NAV2: variants seen among roughly 807,000 people sequenced by gnomAD.
NAV2 encodes the protein neuron navigator 2, also known as helicase, APC down-regulated 1.
NAV2 carries 54 observed loss-of-function variants against 223.2 expected under a neutral mutation model. The ratio of observed to expected loss-of-function variants is 0.24; its 90% CI spans 0.19 to 0.30. The LOEUF is 0.30. Ranked by LOEUF, NAV2 falls within the 10% of genes least tolerant of loss-of-function variation. NAV2 has a pLI of 1.00. For synonymous variants in NAV2, 1,279 were observed against 1,239.3 expected, an observed-to-expected ratio of 1.03 and a Z score of -0.67; for missense variants, 2,806 against 3,147.5, an observed-to-expected ratio of 0.89 and a Z score of 2.60.
intron 3 of NAV2, 113 bp from the exon 4 acceptor site, chr11:19,868,812 G>A (rs989417012): frequency 1.3e-5 from 12 of 955,950 alleles, no homozygotes; most frequent in Middle Eastern, 2.5e-4. Flanking sequence ...CTATCTTGGC[G>A]TTCGTTCATC....
intron 22 of NAV2, among the ~76,000 whole-genome samples, chr11:20,072,651 G>C (rs993511148): frequency 6.6e-6 from 1 of 151,944 alleles, no homozygotes; most frequent in African/African-American, 2.4e-5. Flanking sequence ...GGTCCTTCAC[G>C]TCCCTTGTAA....
intron 3 of NAV2, among the ~76,000 whole-genome samples, chr11:19,855,674 G>A (rs755169406): frequency 2.0e-5 from 3 of 152,166 alleles, no homozygotes; most frequent in Non-Finnish European, 4.4e-5. Flanking sequence ...TGCTTCTAGT[G>A]GGAGGCTTTC....
chr11:19,649,261 A>G (rs1306465043), intron 1 of NAV2, among the ~76,000 whole-genome samples: 1 of 152,222 alleles, frequency 6.6e-6, no homozygotes, highest in African/African-American at 2.4e-5. Context: ...GTGGGCTAAC[A>G]TTCCCACCAT....
chr11:19,746,354 A>T (rs972456339), intron 1 of NAV2, among the ~76,000 whole-genome samples: 1 of 141,376 alleles, frequency 7.1e-6, no homozygotes, highest in Non-Finnish European at 1.5e-5. Context: ...CAAGTAACTG[A>T]CTTCAGTATG....
intron 30 of NAV2, 39 bp downstream of exon 30, chr11:20,095,806 A>T (rs1265145815): frequency 6.8e-7 from 1 of 1,461,732 alleles, no homozygotes; most frequent in Non-Finnish European, 9.6e-7. Flanking sequence ...ATACTACCTA[A>T]CATGGGCATC....
chr11:19,937,473 G>A (rs1047274855), intron 7 of NAV2, among the ~76,000 whole-genome samples: 1 of 151,886 alleles, frequency 6.6e-6, no homozygotes, highest in African/African-American at 2.4e-5. Context: ...AAGTAACAGT[G>A]GATTCATCTA....
intron 1 of NAV2, among the ~76,000 whole-genome samples, chr11:19,544,198 A>T (rs1173923638): frequency 6.6e-6 from 1 of 152,216 alleles, no homozygotes; most frequent in Admixed American, 6.5e-5. Flanking sequence ...GTTGATTTCC[A>T]TCAAAACCGA....
At chr11:20,017,182 A>G (rs2436187) in intron 11 of NAV2, among the ~76,000 whole-genome samples, 3,369 of 152,254 alleles carry the variant, frequency 0.022, 137 homozygotes, top group African/African-American at 0.078. Flanking sequence ...ATACTTTTCT[A>G]GGATCAGTTG....
At chr11:19,622,364 T>G (rs1419795039) in intron 1 of NAV2, among the ~76,000 whole-genome samples, 1 of 152,162 alleles carries the variant, frequency 6.6e-6, no homozygotes, top group African/African-American at 2.4e-5. Context: ...GGTGTTAAAG[T>G]CTCCCATTAT....
chr11:20,052,932 G>A (rs912919983), intron 17 of NAV2, among the ~76,000 whole-genome samples: 2 of 152,082 alleles, frequency 1.3e-5, no homozygotes, highest in African/African-American at 4.8e-5. Context: ...AATTTCAGAT[G>A]CAGGCCAGGT....
intron 1 of NAV2, among the ~76,000 whole-genome samples, chr11:19,534,883 A>T (rs759655033): frequency 1.3e-5 from 2 of 152,212 alleles, no homozygotes; most frequent in Admixed American, 6.5e-5. Context: ...TCACTCTGCC[A>T]CTTGTGCACT....
intron 1 of NAV2, among the ~76,000 whole-genome samples, chr11:19,500,115 T>G (rs1484311849): frequency 6.6e-6 from 1 of 152,198 alleles, no homozygotes; most frequent in South Asian, 2.1e-4. Context: ...GTGATATGTC[T>G]TAGCCAATGG....
intron 1 of NAV2, among the ~76,000 whole-genome samples, chr11:19,657,601 T>C (rs1297483428): frequency 1.3e-5 from 2 of 152,190 alleles, no homozygotes; most frequent in Non-Finnish European, 2.9e-5. Flanking sequence ...CTCTGTATTC[T>C]GAGAGGGTGA....
At chr11:19,590,156 T>C (rs1406867517) in intron 1 of NAV2, among the ~76,000 whole-genome samples, 1 of 152,244 alleles carries the variant, frequency 6.6e-6, no homozygotes, top group African/African-American at 2.4e-5. Flanking sequence ...ACCTAGCTTT[T>C]AGAGCTGCTG....
intron 25 of NAV2, chr11:20,082,627 A>G (rs1284908653): frequency 6.2e-7 from 1 of 1,610,098 alleles, no homozygotes; most frequent in Non-Finnish European, 8.5e-7. Flanking sequence ...TTAATATCAG[A>G]TACCAAGCTA....
intron 1 of NAV2, among the ~76,000 whole-genome samples, chr11:19,697,759 A>C (rs1021798117): frequency 3.9e-5 from 6 of 152,132 alleles, no homozygotes; most frequent in Non-Finnish European, 5.9e-5. Context: ...AACAAAAAGT[A>C]GGTCATTGTC....
chr11:19,908,891 C>A (rs2043090412), intron 6 of NAV2, among the ~76,000 whole-genome samples: 1 of 152,092 alleles, frequency 6.6e-6, no homozygotes, highest in Admixed American at 6.5e-5. Context: ...TGAAGAGTTG[C>A]TAGAGTTTCT....
intron 1 of NAV2, among the ~76,000 whole-genome samples, chr11:19,784,957 G>C (rs1405356916): frequency 1.3e-5 from 2 of 152,128 alleles, no homozygotes; most frequent in Non-Finnish European, 2.9e-5. Flanking sequence ...AAGGGGTTGA[G>C]GATATACAAG....
At chr11:19,832,128 G>T (rs2059978812) in intron 1 of NAV2, among the ~76,000 whole-genome samples, 2 of 152,170 alleles carry the variant, frequency 1.3e-5, no homozygotes, top group South Asian at 4.1e-4. Flanking sequence ...ATGGGAAGGG[G>T]TGGGGGAGAC....
Sources: gnomAD v4.1 joint callset for allele counts (sites outside exome capture counted in the v4.1 genomes callset) on GRCh38, gnomAD v4.1.1 for gene constraint, MANE v1.5 for transcripts, NCBI Gene and HGNC (gene_info 2026-07-23, HGNC 2026-07-21) for gene names.